The following WFS1 variants were observed in gnomAD, a reference collection of about 807,000 sequenced individuals.
WFS1 encodes the protein wolframin ER transmembrane glycoprotein.
A neutral mutation model predicts 68.5 loss-of-function variants in WFS1; 90 were observed. The ratio of observed to expected loss-of-function variants is 1.31; its 90% CI spans 1.11 to 1.56. The LOEUF is 1.56. Among genes scored for constraint, WFS1 ranks in the 40% most tolerant of loss-of-function variants. WFS1 has a pLI of 0.00. For missense variants in WFS1, 1,767 were observed against 1,232.6 expected, an observed-to-expected ratio of 1.43 and a Z score of -6.49; for synonymous variants, 860 against 540.7, an observed-to-expected ratio of 1.59 and a Z score of -8.19.
At position 6,300,695 on chromosome 4, in the gene WFS1, G is replaced by A. The variant is rs1209043184; in HGVS notation, c.900G>A (p.Lys300=). 6.2e-7 allele frequency: 1 copy of A among 1,613,978 alleles called. No individual in the cohort carries two copies. The highest frequency in any genetic ancestry group is 8.5e-7 in the Non-Finnish European group (1 of 1,179,948). ...KYPLHAIMEI[K]EYLIDMASRA... ...CCCTGCACGCCATCATGGAGATCAA[G>A]GAGTACCTGATTGACATGGCCTCCA... Residue 300 remains lysine, a synonymous_variant, in exon 8 of 8, where the codon AAG becomes AAA. Transcript: ENST00000226760.
intron 2 of WFS1, among the ~76,000 whole-genome samples, chr4:6,282,000 C>T (rs1285942243): frequency 6.6e-6 from 1 of 152,196 alleles, no homozygotes; most frequent in Non-Finnish European, 1.5e-5. Flanking sequence ...CCTACACAGC[C>T]CCAACTCTCA....
chr4:6,283,504 C>G lies in WFS1; in HGVS notation c.233-3589C>G, dbSNP rs12513308. On this transcript the variant is annotated intron_variant, in intron 2 of 7. Coordinates refer to ENST00000226760, the MANE Select transcript of WFS1 (RefSeq NM_006005.3). The surrounding 1 kb of genome is among the most constrained non-coding windows in gnomAD (Gnocchi z 5.0). ...CAGATGATGTCATCAGGAAGTACTC[C>G]CCCGCCCCCATTCCACTCTGCTTTC... Among the ~76,000 whole-genome samples, 7,297 of 152,248 alleles carry G rather than the reference C, an allele frequency of 0.048. 235 individuals are homozygous for G. The highest frequency in any genetic ancestry group is 0.089 in the South Asian group (429 of 4,816).
At chr4:6,298,001 C>G (rs962286813) in intron 7 of WFS1, among the ~76,000 whole-genome samples, 1 of 152,212 alleles carries the variant, frequency 6.6e-6, no homozygotes, top group Non-Finnish European at 1.5e-5. Context: ...CTTTTAAAGG[C>G]CCTCTCAACC....
chr4:6,282,594 A>C (rs569199253), intron 2 of WFS1, among the ~76,000 whole-genome samples: 1 of 152,226 alleles, frequency 6.6e-6, no homozygotes, highest in South Asian at 2.1e-4. Flanking sequence ...ATTTTTAAAC[A>C]CTATGGAAGT....
chr4:6,286,893 C>T lies in WFS1; in HGVS notation c.233-200C>T, dbSNP rs117945828. ...ATAGAGTTTGCTCATCTTGCTCTGG[C>T]GCTGCTTGTGACCGGAAGGCAAACA... is the stretch of plus-strand genomic sequence containing the variant. On this transcript the variant is annotated intron_variant, in intron 2 of 7. Transcript: ENST00000226760. Among the ~76,000 whole-genome samples, 82 of 152,296 alleles carry T rather than the reference C, an allele frequency of 5.4e-4. 3 individuals carry two copies. In the East Asian group the frequency reaches 0.012, roughly 22 times the overall value.
At chr4:6,273,298 C>A (rs527330343) in intron 1 of WFS1, among the ~76,000 whole-genome samples, 2 of 152,198 alleles carry the variant, frequency 1.3e-5, no homozygotes, top group Non-Finnish European at 2.9e-5. Flanking sequence ...TGTGTTTGGA[C>A]GGGATAAAAA....
rs1730341470 is a variant in WFS1 at position 6,287,255 on chromosome 4, A to G, written c.315+80A>G. On this transcript the variant is annotated intron_variant, in intron 3 of 7. Transcript: ENST00000226760. The surrounding 1 kb of genome is among the most constrained non-coding windows in gnomAD (Gnocchi z 6.4). ...CCTGGCCACGAGCTCCACAGCCCAC[A>G]GAGAAGTGTCGGTGCCTGAGATCGG... The G allele has an allele frequency of 7.7e-7, 1 of 1,303,376 alleles. No individual in the cohort carries two copies. Among genetic ancestry groups the G allele is most frequent in the African/African-American group, 1.5e-5 (1 of 68,114 alleles). The allele number at this position is 1,303,376 out of a possible 1,614,324, so 80.7% of individuals were successfully genotyped here.
At chr4:6,271,137 C>T (rs1028415687) in intron 1 of WFS1, among the ~76,000 whole-genome samples, 3 of 152,210 alleles carry the variant, frequency 2.0e-5, no homozygotes, top group Admixed American at 1.3e-4. Flanking sequence ...CACGGGAAGC[C>T]CAGAGGCCAC....
chr4:6,275,881 A>C (rs1578584398), intron 1 of WFS1, among the ~76,000 whole-genome samples: 1 of 152,298 alleles, frequency 6.6e-6, no homozygotes, highest in East Asian at 1.9e-4. Flanking sequence ...CTGGGTGTTC[A>C]GAGGTGGCCA....
At chr4:6,273,561 C>T (rs913907036) in intron 1 of WFS1, among the ~76,000 whole-genome samples, 23 of 95,136 alleles carry the variant, frequency 2.4e-4, no homozygotes, top group African/African-American at 8.0e-4. Flanking sequence ...GGCCAGGCTG[C>T]CTCAGGCTTC....
chr4:6,299,642 C>T (rs866088973), intron 7 of WFS1, among the ~76,000 whole-genome samples: 536 of 39,560 alleles, frequency 0.014, 35 homozygotes, highest in African/African-American at 0.053. Context: ...GGGTGGGTTG[C>T]GTGTGTGTGA....
At position 6,283,004 on chromosome 4, in the gene WFS1, T is replaced by C. The variant is rs1411240408; in HGVS notation, c.233-4089T>C. 2.0e-5 allele frequency among the ~76,000 whole-genome samples: 3 copies of C among 152,316 alleles called. No homozygotes were observed. The highest frequency in any genetic ancestry group is 7.2e-5 in the African/African-American group (3 of 41,572). ...GCGAGACGGGTGAGACCCACGGACATAGATGGCATCCACGAAGGCTGGCGG... is the reference window on the plus strand; with the variant it reads ...GCGAGACGGGTGAGACCCACGGACACAGATGGCATCCACGAAGGCTGGCGG... On this transcript the variant is annotated intron_variant, in intron 2 of 7. Coordinates refer to ENST00000226760, the MANE Select transcript of WFS1 (RefSeq NM_006005.3). This position sits in a 1 kb window ranked among gnomAD's most constrained non-coding sequence, Gnocchi z 5.0.
At chr4:6,281,378 G>T (rs1458054618) in intron 2 of WFS1, among the ~76,000 whole-genome samples, 3 of 152,224 alleles carry the variant, frequency 2.0e-5, no homozygotes, top group African/African-American at 7.2e-5. Context: ...GCCAGGCCAA[G>T]CAGGGCCCTG....
intron 7 of WFS1, among the ~76,000 whole-genome samples, chr4:6,296,111 G>A (rs937943010): frequency 6.6e-6 from 1 of 152,246 alleles, no homozygotes; most frequent in African/African-American, 2.4e-5. Context: ...GCGTGAGTCA[G>A]GGCCAGGACC....
rs1376193753 is a variant in WFS1, at chr4:6,300,711, A to G, written c.916A>G (p.Met306Val). The G allele has an allele frequency of 6.2e-7, 1 of 1,614,040 alleles. No individual in the cohort carries two copies. Among genetic ancestry groups the G allele is most frequent in the South Asian group, 1.1e-5 (1 of 91,074 alleles). Residue 306 changes from methionine (M) to valine (V), a missense_variant, in exon 8 of 8, where the codon ATG becomes GTG. Transcript: ENST00000226760. ...IMEIKEYLID[M>V]ASRAGMHWLS... ...GGAGATCAAGGAGTACCTGATTGAC[A>G]TGGCCTCCAGGGCAGGCATGCACTG...
intron 7 of WFS1, among the ~76,000 whole-genome samples, chr4:6,297,746 A>C (rs1256107737): frequency 6.6e-6 from 1 of 152,092 alleles, no homozygotes; most frequent in Non-Finnish European, 1.5e-5. Flanking sequence ...CATAGTTTTT[A>C]AGTTTCGTTC....
At chr4:6,280,738 C>T (rs1730137037) in intron 2 of WFS1, among the ~76,000 whole-genome samples, 1 of 152,192 alleles carries the variant, frequency 6.6e-6, no homozygotes, top group South Asian at 2.1e-4. Context: ...GCACTCAGGC[C>T]TCCTGGGTAC....
chr4:6,297,564 G>A (rs1730670009), intron 7 of WFS1, among the ~76,000 whole-genome samples: 1 of 152,140 alleles, frequency 6.6e-6, no homozygotes, highest in African/African-American at 2.4e-5. Context: ...TTGCCCACAG[G>A]TTTGAGCAGA....
intron 1 of WFS1, among the ~76,000 whole-genome samples, chr4:6,274,566 G>T (rs528848692): frequency 7.2e-5 from 11 of 152,088 alleles, no homozygotes; most frequent in African/African-American, 2.4e-4. Context: ...AGAGGTGATC[G>T]CCTGAGTGCT....
Sources: gnomAD v4.1 joint callset for allele counts (sites outside exome capture counted in the v4.1 genomes callset) on GRCh38, gnomAD v4.1.1 for gene constraint, Gnocchi (gnomAD v3.1) non-coding constraint, MANE v1.5 for transcripts, NCBI Gene and HGNC (gene_info 2026-07-23, HGNC 2026-07-21) for gene names.